Variants in SETD4 observed in about 807,000 individuals in gnomAD.
The protein encoded by SETD4 is SET domain-containing protein 4.
Under a neutral mutation model 58.3 loss-of-function variants are expected in SETD4, and 46 were observed. That is an observed-to-expected ratio of 0.79 (90% CI 0.62 to 1.01). The LOEUF (loss-of-function observed/expected upper bound fraction) is 1.01. Ranked by LOEUF, SETD4 falls within the 50% of genes least tolerant of loss-of-function variation. The pLI is 0.00. For missense variants in SETD4, 490 were observed against 523.3 expected, an observed-to-expected ratio of 0.94 and a Z score of 0.62; for synonymous variants, 190 against 202.6, an observed-to-expected ratio of 0.94 and a Z score of 0.53.
intron 3 of SETD4, among the ~76,000 whole-genome samples, chr21:36,055,331 T>C (rs1255028132): frequency 1.3e-5 from 2 of 152,208 alleles, no homozygotes; most frequent in African/African-American, 2.4e-5. Context: ...CATTTTCATA[T>C]TGGATATACT....
At chr21:36,057,675 C>A (rs975776530) in intron 2 of SETD4, among the ~76,000 whole-genome samples, 2 of 152,102 alleles carry the variant, frequency 1.3e-5, no homozygotes, top group African/African-American at 4.8e-5. Flanking sequence ...CTAGAATAGC[C>A]CCAATATCTT....
At position 36,040,574 on chromosome 21, in the gene SETD4, C is replaced by G; in HGVS notation, c.1064+1G>C. The G allele has an allele frequency of 6.2e-7, 1 of 1,612,964 alleles. No homozygotes were observed. Among genetic ancestry groups the G allele is most frequent in the Non-Finnish European group, 8.5e-7 (1 of 1,179,114 alleles). On this transcript the variant is annotated splice_donor_variant, in intron 9 of 11. Coordinates refer to ENST00000332131, the MANE Select transcript of SETD4 (RefSeq NM_017438.5). LOFTEE classifies it high-confidence loss of function. The stretch of plus-strand genomic sequence containing the variant: ...TTAAGACCAACACATGTGAAACTTA[C>G]AATTTCTCAGCTTCCAGACATAACA...
At chr21:36,039,849 C>T (rs751279119) in intron 9 of SETD4, among the ~76,000 whole-genome samples, 30 of 152,222 alleles carry the variant, frequency 2.0e-4, no homozygotes, top group Non-Finnish European at 3.5e-4. Flanking sequence ...GAAGAACAGG[C>T]GTCACTGAAG....
chr21:36,051,147 C>T (rs1319958350), intron 4 of SETD4: 1 of 1,524,810 alleles, frequency 6.6e-7, no homozygotes, highest in African/African-American at 1.4e-5. Context: ...ACCCTCTGGC[C>T]AGCTCACCCA....
intron 7 of SETD4, chr21:36,042,631 T>G (rs950703621): frequency 6.6e-6 from 1 of 152,230 alleles, no homozygotes; most frequent in Admixed American, 6.5e-5. Flanking sequence ...TCCAATCAAA[T>G]CTATATTTAA....
At chr21:36,040,723 T>C in intron 8 of SETD4, 68 bp from the exon 9 acceptor site, 1 of 1,389,592 alleles carries the variant, frequency 7.2e-7, no homozygotes, top group South Asian at 1.2e-5. Context: ...AGCAAATGAC[T>C]GAAGAGCCAA....
chr21:36,047,053 T>G (rs2064363555), intron 5 of SETD4, among the ~76,000 whole-genome samples: 1 of 152,130 alleles, frequency 6.6e-6, no homozygotes, highest in East Asian at 1.9e-4. Flanking sequence ...GCCAGGAGTT[T>G]GAGACCAGCC....
At chr21:36,053,903 AC>A (rs1239412587) in intron 3 of SETD4, among the ~76,000 whole-genome samples, 2 of 152,192 alleles carry the variant, frequency 1.3e-5, no homozygotes, top group Non-Finnish European at 1.5e-5. Context: ...CTCCTGCAGG[AC>A]GCTTTGGGCT....
At chr21:36,056,090 C>A (rs1362903061) in intron 3 of SETD4, among the ~76,000 whole-genome samples, 3 of 152,060 alleles carry the variant, frequency 2.0e-5, no homozygotes, top group Non-Finnish European at 4.4e-5. Flanking sequence ...CTAGAAGGGG[C>A]CTTAATAGAA....
At chr21:36,036,495 ACT>A (rs1399595456) in intron 10 of SETD4, 5 of 357,840 alleles carry the variant, frequency 1.4e-5, no homozygotes, top group Admixed American at 6.5e-5. Context: ...CCTCTACTCC[ACT>A]CTCTGTCTCT....
chr21:36,040,543 T>C (rs1381858174), intron 9 of SETD4, 32 bp downstream of exon 9: 3 of 1,591,924 alleles, frequency 1.9e-6, no homozygotes, highest in Non-Finnish European at 2.6e-6. Flanking sequence ...AGCCTGTTGC[T>C]ACAGCTTAAG....
In SETD4 at chr21:36,045,901, G is replaced by T. The variant is rs770838076; in HGVS notation, c.407C>A (p.Ala136Glu). The change falls in exon 6 of 12, where the codon GCG becomes GAG. Residue 136 changes from alanine (A) to glutamate (E), a missense_variant. Transcript: ENST00000332131. ...CTCCAAACAAACAGGGCAGGTATAC[G>T]CCTTGGGTAAAATCTCCAGGTAAGG... Reference protein sequence around the residue: ...WKPYLEILPKAYTCPVCLEPE... With the variant: ...WKPYLEILPKEYTCPVCLEPE... The T allele has an allele frequency of 1.9e-6, 3 of 1,614,178 alleles. No homozygotes were observed. The Admixed American group carries it at 5.0e-5, about 27-fold the overall frequency.
At chr21:36,039,548 CAAAG>C (rs1384185934) in intron 9 of SETD4, among the ~76,000 whole-genome samples, 1 of 152,162 alleles carries the variant, frequency 6.6e-6, no homozygotes, top group African/African-American at 2.4e-5. Context: ...GAAAACAAGA[CAAAG>C]GAAGACAAAA....
chr21:36,059,775 G>A (rs2065194879), intron 1 of SETD4: 5 of 985,328 alleles, frequency 5.1e-6, no homozygotes, highest in Non-Finnish European at 6.0e-6. Context: ...AAGAACTCCA[G>A]GCAATATTAA....
At chr21:36,054,623 G>A (rs78468228) in intron 3 of SETD4, among the ~76,000 whole-genome samples, 40 of 129,402 alleles carry the variant, frequency 3.1e-4, no homozygotes, top group South Asian at 8.0e-4. Context: ...GTCCTCCATC[G>A]GTTTCCTGGC....
intron 8 of SETD4, 67 bp from the exon 9 acceptor site, chr21:36,040,722 C>A (rs2064008860): frequency 7.2e-7 from 1 of 1,394,814 alleles, no homozygotes; most frequent in South Asian, 1.2e-5. Flanking sequence ...TAGCAAATGA[C>A]TGAAGAGCCA....
At chr21:36,048,497 AC>A in intron 4 of SETD4, 101 bp from the exon 5 acceptor site, 1 of 976,594 alleles carries the variant, frequency 1.0e-6, no homozygotes, top group Non-Finnish European at 1.6e-6. Context: ...CCTACCAGTA[AC>A]CCACTGTAAC....
chr21:36,039,078 G>A lies in SETD4; in HGVS notation c.1065-805C>T, dbSNP rs149494423. 1.2e-3 allele frequency among the ~76,000 whole-genome samples: 177 copies of A among 152,180 alleles called. 1 individual carries two copies. Among genetic ancestry groups the A allele is most frequent in the African/African-American group, 4.1e-3 (172 of 41,508 alleles). ...CAGAACAGCTGGCAAGACACAGCCCGGAATAGTCTCAGAAGGCTTCAGTTT... is the reference window on the plus strand; with the variant it reads ...CAGAACAGCTGGCAAGACACAGCCCAGAATAGTCTCAGAAGGCTTCAGTTT... On this transcript the variant is annotated intron_variant, in intron 9 of 11. Coordinates refer to ENST00000332131, the MANE Select transcript of SETD4 (RefSeq NM_017438.5).
intron 9 of SETD4, among the ~76,000 whole-genome samples, chr21:36,038,537 A>C (rs2063890511): frequency 2.0e-5 from 3 of 152,168 alleles, no homozygotes; most frequent in Admixed American, 2.0e-4. Flanking sequence ...TGTTATTATC[A>C]TCACAAACCT....
Sources: allele counts gnomAD v4.1 joint callset (sites outside exome capture counted in the v4.1 genomes callset), GRCh38; gene constraint gnomAD v4.1.1; transcripts MANE v1.5; gene names NCBI Gene and HGNC (gene_info 2026-07-23, HGNC 2026-07-21).